Variants in HID1 observed in about 807,000 individuals in gnomAD.
HID1 encodes HID1 domain containing.
Under a neutral mutation model 89.7 loss-of-function variants are expected in HID1, and 42 were observed. The ratio of observed to expected loss-of-function variants is 0.47; its 90% CI spans 0.37 to 0.61. HID1 has a LOEUF of 0.61. HID1 is among the 20% of genes least tolerant of loss of function. The pLI is 0.00. For synonymous variants in HID1, 442 were observed against 433.8 expected (o/e 1.02, Z -0.24); for missense variants, 854 against 1,039.3 (o/e 0.82, Z 2.45).
intron 3 of HID1, chr17:74,963,404 G>A (rs1200350592): frequency 2.1e-6 from 1 of 485,014 alleles, no homozygotes; most frequent in Admixed American, 3.6e-5. Flanking sequence ...CATAAACCCA[G>A]GGCAGGTGGT....
chr17:74,958,663 C>CGGG lies in HID1; in HGVS notation c.1240+9_1240+10insCCC. ...AAGCCCCCAGCATCCCACCCCCACCCTGGTCTTACACTGATCGGCCCGGGC... is the reference window on the plus strand; with the variant it reads ...AAGCCCCCAGCATCCCACCCCCACCCGGGTGGTCTTACACTGATCGGCCCGGGC... On this transcript the variant is annotated intron_variant, in intron 10 of 18. Transcript: ENST00000425042. This position sits in a 1 kb window ranked among gnomAD's most constrained non-coding sequence, Gnocchi z 5.2. The CGGG allele has an allele frequency of 5.0e-6, 8 of 1,595,570 alleles. No homozygotes were observed. The highest frequency in any genetic ancestry group is 6.9e-6 in the Non-Finnish European group (8 of 1,164,156).
chr17:74,952,253 C>A lies in HID1; in HGVS notation c.2144+16G>T. 1 of 1,606,320 alleles carries A rather than the reference C, an allele frequency of 6.2e-7. No individual in the cohort carries two copies. The highest frequency in any genetic ancestry group is 8.5e-7 in the Non-Finnish European group (1 of 1,174,474). On this transcript the variant is annotated intron_variant, in intron 17 of 18. Transcript: ENST00000425042. ...GCCCCGCCCACAACCCCCGGCCCTG[C>A]CGGCGCCCGACTCACTTGTCAATGC...
Position 74,966,593 on chromosome 17 carries a change from C to G in HID1, c.67-1961G>C, listed in dbSNP as rs573934588. ...ATAAAACCTGAGGTCCCTGCTACCACCACAAGCCTGCACTTCATACATGTT... is the reference window on the plus strand; with the variant it reads ...ATAAAACCTGAGGTCCCTGCTACCAGCACAAGCCTGCACTTCATACATGTT... On this transcript the variant is annotated intron_variant, in intron 1 of 18. Coordinates refer to ENST00000425042, the MANE Select transcript of HID1 (RefSeq NM_030630.3). Among the ~76,000 whole-genome samples the G allele has an allele frequency of 6.6e-5, 10 of 152,158 alleles. No individual in the cohort carries two copies. The East Asian group carries it at 1.9e-3, about 29-fold the overall frequency.
chr17:74,963,908 G>T lies in HID1; in HGVS notation c.219C>A (p.Ala73=). 1 of 1,613,754 alleles carries T rather than the reference G, an allele frequency of 6.2e-7. No homozygotes were observed. The highest frequency in any genetic ancestry group is 8.5e-7 in the Non-Finnish European group (1 of 1,179,946). ...PSNLATLCYK[A]VEKLVQGAES... ...CAGCTCCCTGCACCAGCTTCTCAACGGCCTGTGGGGGCAGGCAGGAGCAGA... is the reference window on the plus strand; with the variant it reads ...CAGCTCCCTGCACCAGCTTCTCAACTGCCTGTGGGGGCAGGCAGGAGCAGA... Residue 73 remains alanine, a splice_region_variant and synonymous_variant, in exon 3 of 19, where the codon GCC becomes GCA. Transcript: ENST00000425042.
At chr17:74,963,198 G>A in intron 3 of HID1, 117 bp from the exon 4 acceptor site, 2 of 673,894 alleles carry the variant, frequency 3.0e-6, no homozygotes, top group Non-Finnish European at 5.0e-6. Flanking sequence ...ATGGGCAGAG[G>A]AATGAAGGGA....
intron 15 of HID1, 47 bp downstream of exon 15, chr17:74,953,497 GA>G: frequency 6.6e-7 from 1 of 1,504,498 alleles, no homozygotes; most frequent in Non-Finnish European, 9.2e-7. Context: ...GACCAGGGAG[GA>G]AGGGAAGGGC....
rs1598627861 is a variant in HID1, at chr17:74,962,194, T to G, written c.611+40A>C. 1 of 1,515,810 alleles carries G rather than the reference T, an allele frequency of 6.6e-7. No individual in the cohort carries two copies. The highest frequency in any genetic ancestry group is 1.8e-4 in the Middle Eastern group (1 of 5,420). The allele number at this position is 1,515,810 out of a possible 1,614,324, so 93.9% of individuals were successfully genotyped here. A position where few individuals can be genotyped will look rare whatever the true frequency, so the allele number is the denominator to read the frequency against. ...AGCTGTGCGGGGGCCCGGCCCGGGG[T>G]CCAGCTGCATTGAGGGCTCCGGGCC... is the stretch of plus-strand genomic sequence containing the variant. On this transcript the variant is annotated intron_variant, in intron 5 of 18. Transcript: ENST00000425042. This position sits in a 1 kb window ranked among gnomAD's most constrained non-coding sequence, Gnocchi z 4.3.
Position 74,972,212 on chromosome 17 carries a change from G to T in HID1, c.66+379C>A, listed in dbSNP as rs935610127. Among the ~76,000 whole-genome samples, 1 of 151,898 alleles carries T rather than the reference G, an allele frequency of 6.6e-6. No individual in the cohort carries two copies. Among genetic ancestry groups the T allele is most frequent in the Non-Finnish European group, 1.5e-5 (1 of 67,938 alleles). The stretch of plus-strand genomic sequence containing the variant: ...GGGACCCGCGGGCAATGAGGGGCAG[G>T]GAGGGGAGCGGACGGTGGATGGGTG... On this transcript the variant is annotated intron_variant, in intron 1 of 18. Coordinates refer to ENST00000425042, the MANE Select transcript of HID1 (RefSeq NM_030630.3). The surrounding 1 kb of genome is among the most constrained non-coding windows in gnomAD (Gnocchi z 6.4).
At chr17:74,952,200 C>T in intron 17 of HID1, 69 bp downstream of exon 17, 1 of 1,539,410 alleles carries the variant, frequency 6.5e-7, no homozygotes, top group South Asian at 1.1e-5. Flanking sequence ...CCCACCTGCC[C>T]ACACCACCGG....
chr17:74,955,493 G>A (rs1248138547), intron 13 of HID1, among the ~76,000 whole-genome samples: 1 of 84,288 alleles, frequency 1.2e-5, no homozygotes, highest in Non-Finnish European at 3.4e-5. Flanking sequence ...AGAGTGAGAC[G>A]CCGTCGGGAA....
intron 15 of HID1, 43 bp downstream of exon 15, chr17:74,953,502 G>C (rs773842402): frequency 6.5e-7 from 1 of 1,542,666 alleles, no homozygotes; most frequent in Non-Finnish European, 8.9e-7. Flanking sequence ...GGGAGGAAGG[G>C]AAGGGCCAGC....
At chr17:74,966,830 A>C (rs991092183) in intron 1 of HID1, among the ~76,000 whole-genome samples, 5 of 152,084 alleles carry the variant, frequency 3.3e-5, no homozygotes, top group African/African-American at 1.2e-4. Context: ...GGGCCTGCCC[A>C]ACCTCTAAGG....
chr17:74,953,418 TG>T, intron 15 of HID1, 126 bp downstream of exon 15: 1 of 717,070 alleles, frequency 1.4e-6, no homozygotes, highest in Non-Finnish European at 2.4e-6. Flanking sequence ...CCTAATGCCC[TG>T]GGCACTGGGT....
chr17:74,962,855 G>A lies in HID1; in HGVS notation c.504+110C>T, dbSNP rs973199105. 11 of 764,464 alleles carry A rather than the reference G, an allele frequency of 1.4e-5. No individual in the cohort carries two copies. The highest frequency in any genetic ancestry group is 1.4e-4 in the African/African-American group (8 of 56,858). 47.4% of individuals were successfully genotyped at this position (764,464 alleles called of 1,614,324 possible). The stretch of plus-strand genomic sequence containing the variant: ...TGTGCCAGGCAGCTCAGCTCTCCTG[G>A]AGCCCCCCGGCCCCCAGTGCAATCC... On this transcript the variant is annotated intron_variant, in intron 4 of 18. Coordinates refer to ENST00000425042, the MANE Select transcript of HID1 (RefSeq NM_030630.3). This position sits in a 1 kb window ranked among gnomAD's most constrained non-coding sequence, Gnocchi z 4.3.
intron 3 of HID1, chr17:74,963,322 G>A (rs986205716): frequency 1.7e-5 from 9 of 525,608 alleles, no homozygotes; most frequent in Admixed American, 1.4e-4. Flanking sequence ...GGGGCCGGGC[G>A]GTGACCCCAA....
chr17:74,971,308 A>T (rs2039643768), intron 1 of HID1, among the ~76,000 whole-genome samples: 1 of 152,082 alleles, frequency 6.6e-6, no homozygotes. Flanking sequence ...CTTCCCTGCC[A>T]CCCACAGAAC....
At chr17:74,963,679 A>G in intron 3 of HID1, 61 bp downstream of exon 3, 1 of 1,487,612 alleles carries the variant, frequency 6.7e-7, no homozygotes, top group Non-Finnish European at 9.1e-7. Context: ...CCGGCCCTAA[A>G]GGGCGCTCTC....
Position 74,959,355 on chromosome 17 carries a change from C to T in HID1, c.1009-304G>A, listed in dbSNP as rs187519999. The stretch of plus-strand genomic sequence containing the variant: ...ACTCCCACACATGCACACCCTCAAC[C>T]TTGTCCCTGCCCACCTTGGACTCAT... On this transcript the variant is annotated intron_variant, in intron 8 of 18. Coordinates refer to ENST00000425042, the MANE Select transcript of HID1 (RefSeq NM_030630.3). This position sits in a 1 kb window ranked among gnomAD's most constrained non-coding sequence, Gnocchi z 4.6. Among the ~76,000 whole-genome samples, 2 of 152,272 alleles carry T rather than the reference C, an allele frequency of 1.3e-5. No individual in the cohort carries two copies. The highest frequency in any genetic ancestry group is 2.9e-5 in the Non-Finnish European group (2 of 68,020).
At position 74,953,063 on chromosome 17, in the gene HID1, C is replaced by T. The variant is rs2039330864; in HGVS notation, c.1995G>A (p.Glu665=). The T allele has an allele frequency of 6.2e-7, 1 of 1,608,170 alleles. No individual in the cohort carries two copies. Among genetic ancestry groups the T allele is most frequent in the Non-Finnish European group, 8.5e-7 (1 of 1,178,194 alleles). Residue 665 remains glutamate (E), a synonymous_variant, in exon 16 of 19, where the codon GAG becomes GAA. Transcript: ENST00000425042. ...AKGEPSQAWR[E]QRRPSTSSAS... ...CTGATGAGGTGGACGGTCGCCGCTG[C>T]TCCCTCCATGCCTGGCTGGGCTCCT...
Sources: gnomAD v4.1 joint callset for allele counts (sites outside exome capture counted in the v4.1 genomes callset) on GRCh38, gnomAD v4.1.1 for gene constraint, Gnocchi (gnomAD v3.1) non-coding constraint, MANE v1.5 for transcripts, NCBI Gene and HGNC (gene_info 2026-07-23, HGNC 2026-07-21) for gene names.